MNS1: variants seen among roughly 807,000 people sequenced by gnomAD.
MNS1 encodes the protein meiosis specific nuclear structural 1, also known as meiosis-specific nuclear structural protein 1.
A neutral mutation model predicts 72.0 loss-of-function variants in MNS1; 63 were observed. The ratio of observed to expected loss-of-function variants is 0.87; its 90% CI spans 0.71 to 1.08. The LOEUF is 1.08. Ranked by LOEUF, MNS1 falls within the 50% of genes least tolerant of loss-of-function variation. The pLI, the probability that MNS1 is intolerant of heterozygous loss-of-function variation, is 0.00. For synonymous variants in MNS1, 188 were observed against 172.1 expected (o/e 1.09, Z -0.72); for missense variants, 604 against 562.4 (o/e 1.07, Z -0.75).
intron 2 of MNS1, among the ~76,000 whole-genome samples, chr15:56,457,591 G>A (rs1343979065): frequency 6.6e-6 from 1 of 152,188 alleles, no homozygotes; most frequent in African/African-American, 2.4e-5. Flanking sequence ...GGGAGGCTAA[G>A]GTGGGAGGAT....
chr15:56,435,723 T>A (rs537167366), intron 7 of MNS1, among the ~76,000 whole-genome samples: 4 of 152,028 alleles, frequency 2.6e-5, no homozygotes, highest in Non-Finnish European at 4.4e-5. Flanking sequence ...ATGGTTTCAC[T>A]AGAAAATTCT....
chr15:56,462,942 G>A (rs2051032572), intron 2 of MNS1, among the ~76,000 whole-genome samples: 1 of 151,840 alleles, frequency 6.6e-6, no homozygotes, highest in African/African-American at 2.4e-5. Context: ...CCCCTAAGAT[G>A]TGCTTTCTCA....
intron 9 of MNS1, chr15:56,429,964 T>C (rs917430212): frequency 5.9e-5 from 9 of 152,360 alleles, no homozygotes; most frequent in Middle Eastern, 3.4e-3. Context: ...TAATTACATA[T>C]GGATTTTATC....
At chr15:56,460,013 C>CATATATATATATATAT (rs367624285) in intron 2 of MNS1, among the ~76,000 whole-genome samples, 22 of 34,626 alleles carry the variant, frequency 6.4e-4, no homozygotes, top group African/African-American at 2.4e-3. Flanking sequence ...AAAAAAAATA[C>CATATATATATATATAT]ATATATATAT....
chr15:56,458,485 A>G (rs2050995213), intron 2 of MNS1, among the ~76,000 whole-genome samples: 1 of 152,126 alleles, frequency 6.6e-6, no homozygotes, highest in Non-Finnish European at 1.5e-5. Context: ...CGCAAAGTCC[A>G]TAGTTTACAT....
Position 56,460,003 on chromosome 15 carries a change from A to ATATATATATATATATAT in MNS1, c.226-3483_226-3482insATATATATATATATATA, listed in dbSNP as rs1243035397. Reference sequence around the variant, plus strand: ...GAAATTCTGTCTCAAAAAAAAAAAAAAAAAAAATACATATATATATATATA... The same window carrying ATATATATATATATATAT: ...GAAATTCTGTCTCAAAAAAAAAAAAATATATATATATATATATAAAAAAATACATATATATATATATA... On this transcript the variant is annotated intron_variant, in intron 2 of 9. Transcript: ENST00000260453. 8.8e-4 allele frequency among the ~76,000 whole-genome samples: 29 copies of ATATATATATATATATAT among 32,846 alleles called. 1 individual carries two copies. The highest frequency in any genetic ancestry group is 2.8e-3 in the African/African-American group (25 of 8,844). 21.5% of individuals were successfully genotyped at this position (32,846 alleles called of 152,430 possible).
chr15:56,461,982 T>TTG (rs1567155330), intron 2 of MNS1, among the ~76,000 whole-genome samples: 7 of 103,008 alleles, frequency 6.8e-5, no homozygotes, highest in African/African-American at 2.4e-4. Context: ...GTTGTTTTTT[T>TTG]TTTTTTTTTT....
At chr15:56,435,666 C>A (rs567180114) in intron 7 of MNS1, among the ~76,000 whole-genome samples, 4 of 151,940 alleles carry the variant, frequency 2.6e-5, no homozygotes, top group Admixed American at 6.6e-5. Flanking sequence ...ATTAAGGAGA[C>A]GGAATTAATA....
At position 56,429,097 on chromosome 15, in the gene MNS1, G is replaced by GT; in HGVS notation, c.*3_*4insA. On this transcript the variant is annotated 3_prime_UTR_variant, in exon 10 of 10. Coordinates refer to ENST00000260453, the MANE Select transcript of MNS1 (RefSeq NM_018365.4). ...AATCTATGCTTTACCCAATTTTGAT[G>GT]ATATCATTTCTCTTCACAAATTTCA... 8 of 1,562,394 alleles carry GT rather than the reference G, an allele frequency of 5.1e-6. No homozygotes were observed. Among genetic ancestry groups the GT allele is most frequent in the Non-Finnish European group, 6.1e-6 (7 of 1,148,250 alleles).
At chr15:56,456,626 A>C in intron 2 of MNS1, 105 bp from the exon 3 acceptor site, 1 of 1,070,356 alleles carries the variant, frequency 9.3e-7, no homozygotes, top group South Asian at 1.5e-5. Flanking sequence ...AAGGCCAACA[A>C]TTGATGATGT....
At chr15:56,436,212 C>G (rs567058555) in intron 7 of MNS1, among the ~76,000 whole-genome samples, 15 of 152,242 alleles carry the variant, frequency 9.9e-5, no homozygotes, top group African/African-American at 3.6e-4. Context: ...GGAAGTAAAG[C>G]ACTCCTCAGC....
chr15:56,447,841 C>G (rs1366023793), intron 3 of MNS1: 2 of 152,142 alleles, frequency 1.3e-5, no homozygotes, highest in Non-Finnish European at 2.9e-5. Flanking sequence ...CTGAGGCAAG[C>G]TAATTTGCTG....
chr15:56,446,308 C>G (rs1264622638), intron 4 of MNS1, among the ~76,000 whole-genome samples: 1 of 151,930 alleles, frequency 6.6e-6, no homozygotes, highest in Non-Finnish European at 1.5e-5. Flanking sequence ...TATATTCATA[C>G]AGCAAAGCAC....
intron 3 of MNS1, among the ~76,000 whole-genome samples, 188 bp downstream of exon 3, chr15:56,456,206 G>A (rs1296335441): frequency 1.3e-5 from 2 of 152,096 alleles, no homozygotes; most frequent in Non-Finnish European, 2.9e-5. Context: ...TAAATATTCA[G>A]ACTTCCATGA....
intron 3 of MNS1, among the ~76,000 whole-genome samples, chr15:56,448,451 T>C (rs1403942256): frequency 6.6e-6 from 1 of 151,836 alleles, no homozygotes; most frequent in Non-Finnish European, 1.5e-5. Context: ...GTGTACTCAA[T>C]GTTTAGCTCC....
intron 2 of MNS1, 27 bp from the exon 3 acceptor site, chr15:56,456,548 T>C: frequency 2.5e-6 from 4 of 1,603,816 alleles, no homozygotes; most frequent in Non-Finnish European, 3.4e-6. Flanking sequence ...ACTTCGTTGT[T>C]TGTCCTCTAG....
chr15:56,454,615 T>A (rs1030460736), intron 3 of MNS1, among the ~76,000 whole-genome samples: 90 of 152,276 alleles, frequency 5.9e-4, no homozygotes, highest in African/African-American at 2.2e-3. Context: ...TTTAAAAGTT[T>A]TATTAGGATG....
At chr15:56,450,158 C>T (rs1285251166) in intron 3 of MNS1, among the ~76,000 whole-genome samples, 2 of 152,122 alleles carry the variant, frequency 1.3e-5, no homozygotes, top group Non-Finnish European at 2.9e-5. Flanking sequence ...CTTTCTAATA[C>T]AGTTATTTCA....
intron 8 of MNS1, among the ~76,000 whole-genome samples, chr15:56,433,401 C>T (rs2050652157): frequency 8.1e-6 from 1 of 122,966 alleles, no homozygotes; most frequent in African/African-American, 3.2e-5. Context: ...ATGTTCTGCA[C>T]ATGCATCCTG....
Sources: gnomAD v4.1 joint callset for allele counts (sites outside exome capture counted in the v4.1 genomes callset) on GRCh38, gnomAD v4.1.1 for gene constraint, MANE v1.5 for transcripts, NCBI Gene and HGNC (gene_info 2026-07-23, HGNC 2026-07-21) for gene names.